PRIM2: variants seen among roughly 807,000 people sequenced by gnomAD.
The protein encoded by PRIM2 is DNA primase subunit 2.
Under a neutral mutation model 67.3 loss-of-function variants are expected in PRIM2, and 39 were observed. The observed-to-expected ratio is 0.58, with a 90% CI of 0.45 to 0.76. The LOEUF (loss-of-function observed/expected upper bound fraction) is 0.76, where lower values mean the gene tolerates loss of function less well. Ranked by LOEUF, PRIM2 falls within the 30% of genes least tolerant of loss-of-function variation. PRIM2 has a pLI of 0.00. For synonymous variants in PRIM2, 143 were observed against 198.7 expected (o/e 0.72, Z 2.36); for missense variants, 398 against 598.7 (o/e 0.66, Z 3.50).
intron 9 of PRIM2, among the ~76,000 whole-genome samples, chr6:57,534,984 T>C (rs1774974152): frequency 1.3e-5 from 2 of 152,194 alleles, no homozygotes; most frequent in South Asian, 4.1e-4. Flanking sequence ...TGTTATCTTT[T>C]TAATGTCTGT....
chr6:57,294,339 G>A, the PRIM2 span, among the ~76,000 whole-genome samples: 1 of 151,890 alleles, frequency 6.6e-6, no homozygotes, highest in East Asian at 1.9e-4. Flanking sequence ...AAATTAGCCG[G>A]GTGTGATGGT....
intron 7 of PRIM2, among the ~76,000 whole-genome samples, chr6:57,506,558 G>A (rs1554347247): frequency 0.33 from 49,461 of 151,698 alleles, 8,046 homozygotes; most frequent in East Asian, 0.45. Flanking sequence ...GATCATAATT[G>A]AATCTTGAAG....
chr6:57,558,780 G>C (rs1408296954), intron 10 of PRIM2, among the ~76,000 whole-genome samples: 1 of 151,954 alleles, frequency 6.6e-6, no homozygotes, highest in South Asian at 2.1e-4. Context: ...CTCTTTTCAG[G>C]GTTCAGTTTT....
At chr6:57,425,020 T>C (rs1771575624) in intron 7 of PRIM2, among the ~76,000 whole-genome samples, 1 of 152,200 alleles carries the variant, frequency 6.6e-6, no homozygotes, top group African/African-American at 2.4e-5. Flanking sequence ...AATAAACATG[T>C]ATACACATAT....
intron 7 of PRIM2, among the ~76,000 whole-genome samples, chr6:57,431,769 A>G (rs1692013034): frequency 6.6e-6 from 1 of 152,174 alleles, no homozygotes; most frequent in East Asian, 1.9e-4. Flanking sequence ...GTGTGCTGAT[A>G]TTGTGGCCTA....
chr6:57,523,049 T>G (rs1447423400), intron 8 of PRIM2, among the ~76,000 whole-genome samples: 4 of 152,216 alleles, frequency 2.6e-5, no homozygotes, highest in Non-Finnish European at 4.4e-5. Flanking sequence ...AAATTATTTT[T>G]TCTAGTATTC....
chr6:57,606,325 G>A, intron 11 of PRIM2, 50 bp from the exon 12 acceptor site: 1 of 1,495,004 alleles, frequency 6.7e-7, no homozygotes, highest in Non-Finnish European at 9.2e-7. Flanking sequence ...GTTGTACTAA[G>A]TTGTGGATAA....
intron 8 of PRIM2, among the ~76,000 whole-genome samples, chr6:57,512,835 G>A (rs1774399853): frequency 6.6e-6 from 1 of 152,106 alleles, no homozygotes; most frequent in Admixed American, 6.6e-5. Context: ...GACCTCAGGT[G>A]TTCTGCCTGC....
chr6:57,620,740 A>G (rs1305763516), intron 12 of PRIM2, among the ~76,000 whole-genome samples: 4 of 152,278 alleles, frequency 2.6e-5, no homozygotes, highest in African/African-American at 9.6e-5. Flanking sequence ...CAATACTAAC[A>G]TTGAATGTAA....
chr6:57,354,134 G>A (rs1445611386), intron 5 of PRIM2, among the ~76,000 whole-genome samples: 1 of 152,144 alleles, frequency 6.6e-6, no homozygotes, highest in Non-Finnish European at 1.5e-5. Flanking sequence ...AATGCCTAGA[G>A]AAATGAACCT....
chr6:57,630,389 A>G (rs1476484146), intron 12 of PRIM2, among the ~76,000 whole-genome samples: 1 of 152,060 alleles, frequency 6.6e-6, no homozygotes, highest in East Asian at 1.9e-4. Context: ...ATTTAAATTT[A>G]ATTTTTTTAT....
chr6:57,492,783 G>C (rs1375631646), intron 7 of PRIM2, among the ~76,000 whole-genome samples: 4 of 152,070 alleles, frequency 2.6e-5, no homozygotes, highest in Non-Finnish European at 5.9e-5. Context: ...AGTAGCTACT[G>C]TATTGTCAGC....
chr6:57,411,100 G>T (rs1236121361), intron 7 of PRIM2, among the ~76,000 whole-genome samples: 1 of 151,704 alleles, frequency 6.6e-6, no homozygotes, highest in African/African-American at 2.4e-5. Context: ...CCTGAGATCT[G>T]GTCATTTAAA....
chr6:57,460,537 G>A (rs9475993), intron 7 of PRIM2, among the ~76,000 whole-genome samples: 1 of 151,218 alleles, frequency 6.6e-6, no homozygotes, highest in Non-Finnish European at 1.5e-5. Flanking sequence ...TTAAATGACT[G>A]CCATTTTAAA....
At chr6:57,367,807 A>T (rs1227499280) in intron 5 of PRIM2, among the ~76,000 whole-genome samples, 2 of 152,242 alleles carry the variant, frequency 1.3e-5, no homozygotes, top group Admixed American at 1.3e-4. Context: ...TAGGACTCCA[A>T]GTGAACAAGG....
chr6:57,538,448 A>G (rs1202912729), intron 10 of PRIM2, among the ~76,000 whole-genome samples: 1 of 152,196 alleles, frequency 6.6e-6, no homozygotes, highest in Non-Finnish European at 1.5e-5. Context: ...AGTGCCAGCT[A>G]ATAACATTTT....
At chr6:57,273,407 A>G in the PRIM2 span, among the ~76,000 whole-genome samples, 3 of 152,316 alleles carry the variant, frequency 2.0e-5, no homozygotes, top group Admixed American at 6.5e-5. Flanking sequence ...CCTATCTTCC[A>G]GTTGATCACA....
chr6:57,506,775 CTGTCAAGT>C (rs1416431267), intron 7 of PRIM2, among the ~76,000 whole-genome samples: 1 of 151,906 alleles, frequency 6.6e-6, no homozygotes, highest in African/African-American at 2.4e-5. Flanking sequence ...TGATGATATG[CTGTCAAGT>C]TGGTACACAG....
chr6:57,350,547 G>T (rs1289584843), intron 5 of PRIM2, among the ~76,000 whole-genome samples: 1 of 152,100 alleles, frequency 6.6e-6, no homozygotes, highest in Non-Finnish European at 1.5e-5. Context: ...AGGAGGGGTG[G>T]TTTGGGATGA....
Sources: allele counts gnomAD v4.1 joint callset (sites outside exome capture counted in the v4.1 genomes callset), GRCh38; gene constraint gnomAD v4.1.1; transcripts MANE v1.5; gene names NCBI Gene and HGNC (gene_info 2026-07-23, HGNC 2026-07-21).